Variants in GTF2F2 observed in about 807,000 individuals in gnomAD.
GTF2F2 encodes the protein general transcription factor IIF subunit 2.
In GTF2F2, 23 loss-of-function variants were observed where a neutral mutation model predicts 42.2. The observed-to-expected ratio is 0.55, with a 90% CI of 0.39 to 0.77. GTF2F2 has a LOEUF of 0.77. Among genes scored for constraint, GTF2F2 ranks in the 30% least tolerant of loss-of-function variants. GTF2F2 has a pLI of 0.00. For missense variants in GTF2F2, 261 were observed against 287.2 expected (o/e 0.91, Z 0.66); for synonymous variants, 105 against 100.8 (o/e 1.04, Z -0.25).
At chr13:45,124,275 G>T in intron 1 of GTF2F2, 1 of 256,632 alleles carries the variant, frequency 3.9e-6, no homozygotes, top group Non-Finnish European at 8.0e-6. Flanking sequence ...GTAGAGACGG[G>T]GTTTCACCGT....
intron 4 of GTF2F2, among the ~76,000 whole-genome samples, chr13:45,178,953 G>A (rs1001742480): frequency 6.6e-6 from 1 of 152,148 alleles, no homozygotes; most frequent in Admixed American, 6.5e-5. Flanking sequence ...TGTGGGTTGG[G>A]GTACCTTTGC....
chr13:45,211,129 T>C (rs1256941165), intron 5 of GTF2F2, among the ~76,000 whole-genome samples: 1 of 152,136 alleles, frequency 6.6e-6, no homozygotes, highest in Non-Finnish European at 1.5e-5. Flanking sequence ...TGCTGTCCTG[T>C]GCATTGCAAG....
intron 5 of GTF2F2, among the ~76,000 whole-genome samples, chr13:45,244,724 G>A (rs959640517): frequency 3.9e-5 from 6 of 152,186 alleles, no homozygotes; most frequent in Non-Finnish European, 8.8e-5. Flanking sequence ...AGGCTGGCGT[G>A]CAGTGGCACA....
chr13:45,270,932 A>G lies in GTF2F2; in HGVS notation c.630+3556A>G, dbSNP rs372176911. 3.1e-3 allele frequency among the ~76,000 whole-genome samples: 465 copies of G among 152,308 alleles called. 5 individuals are homozygous for G. Among genetic ancestry groups the G allele is most frequent in the African/African-American group, 0.011 (445 of 41,560 alleles). On this transcript the variant is annotated intron_variant, in intron 7 of 7. Transcript: ENST00000340473. Reference sequence around the variant, plus strand: ...TCTGAACTTCAACACTCTGTTTTCTATCTAACAGCGTTCATTTACCAGTGT... The same window carrying G: ...TCTGAACTTCAACACTCTGTTTTCTGTCTAACAGCGTTCATTTACCAGTGT...
intron 6 of GTF2F2, among the ~76,000 whole-genome samples, chr13:45,258,930 G>A (rs1355996191): frequency 6.6e-6 from 1 of 152,172 alleles, no homozygotes; most frequent in African/African-American, 2.4e-5. Context: ...CCAAGTAAGG[G>A]CGACTCTGTG....
At chr13:45,128,110 G>A (rs1475895297) in intron 1 of GTF2F2, among the ~76,000 whole-genome samples, 2 of 148,036 alleles carry the variant, frequency 1.4e-5, no homozygotes, top group African/African-American at 2.5e-5. Context: ...ACAGGTGCCC[G>A]CCACCATGCC....
chr13:45,122,294 G>A (rs978285020), intron 1 of GTF2F2, among the ~76,000 whole-genome samples: 5 of 152,106 alleles, frequency 3.3e-5, no homozygotes, highest in African/African-American at 1.2e-4. Context: ...TTGGCAGTGT[G>A]CAGTACGAAT....
intron 5 of GTF2F2, among the ~76,000 whole-genome samples, chr13:45,211,368 T>A (rs1225007884): frequency 6.9e-6 from 1 of 144,014 alleles, no homozygotes; most frequent in Non-Finnish European, 1.6e-5. Context: ...GCTCAAAATT[T>A]TTTTTGTTTT....
intron 1 of GTF2F2, among the ~76,000 whole-genome samples, chr13:45,123,615 G>C (rs560983037): frequency 1.4e-5 from 2 of 146,114 alleles, no homozygotes; most frequent in South Asian, 4.3e-4. Flanking sequence ...GGGCTACAGA[G>C]TGAAACCCTA....
At chr13:45,194,295 G>T in intron 4 of GTF2F2, 2 of 1,614,160 alleles carry the variant, frequency 1.2e-6, no homozygotes, top group Non-Finnish European at 1.7e-6. Flanking sequence ...TTCGTAGGAA[G>T]TTTAGGACAT....
chr13:45,133,786 A>G (rs1869481094), intron 1 of GTF2F2, among the ~76,000 whole-genome samples: 1 of 152,168 alleles, frequency 6.6e-6, no homozygotes, highest in South Asian at 2.1e-4. Context: ...GTGCCACTGT[A>G]AGCCTGCTTC....
chr13:45,232,084 A>G (rs1470415373), intron 5 of GTF2F2, among the ~76,000 whole-genome samples: 1 of 152,234 alleles, frequency 6.6e-6, no homozygotes, highest in African/African-American at 2.4e-5. Flanking sequence ...TCACATAGTC[A>G]TAGGATTACA....
At chr13:45,142,315 T>C (rs1869965922) in intron 2 of GTF2F2, among the ~76,000 whole-genome samples, 1 of 152,128 alleles carries the variant, frequency 6.6e-6, no homozygotes, top group Admixed American at 6.6e-5. Context: ...TATAGGCGCC[T>C]GCCACCATGC....
intron 7 of GTF2F2, among the ~76,000 whole-genome samples, chr13:45,268,479 C>A (rs1446391373): frequency 6.6e-6 from 1 of 151,938 alleles, no homozygotes; most frequent in African/African-American, 2.4e-5. Context: ...AATTTGAATT[C>A]CAAAAGATTT....
intron 5 of GTF2F2, among the ~76,000 whole-genome samples, chr13:45,236,332 C>G (rs1369621950): frequency 6.6e-6 from 1 of 152,006 alleles, no homozygotes; most frequent in African/African-American, 2.4e-5. Context: ...GTAGGAGGCC[C>G]TAGAATTTGT....
At chr13:45,162,541 G>T (rs1871088921) in intron 4 of GTF2F2, among the ~76,000 whole-genome samples, 1 of 152,200 alleles carries the variant, frequency 6.6e-6, no homozygotes. Context: ...ACTGCCAACT[G>T]CCTGAGCCAG....
intron 5 of GTF2F2, among the ~76,000 whole-genome samples, chr13:45,237,281 C>A (rs1440425970): frequency 6.6e-6 from 1 of 152,064 alleles, no homozygotes; most frequent in Non-Finnish European, 1.5e-5. Context: ...TTTTTTTAAT[C>A]TTTGAAAACA....
chr13:45,168,134 C>T (rs1871392365), intron 4 of GTF2F2, among the ~76,000 whole-genome samples: 1 of 152,204 alleles, frequency 6.6e-6, no homozygotes, highest in Non-Finnish European at 1.5e-5. Context: ...AACCCCTTTT[C>T]TGCTGCTTCT....
chr13:45,212,463 C>CTTTTCT (rs376424917), intron 5 of GTF2F2, among the ~76,000 whole-genome samples: 658 of 27,484 alleles, frequency 0.024, 33 homozygotes, highest in African/African-American at 0.054. Context: ...TTCTTTCTTT[C>CTTTTCT]TTTCTTTCTT....
Sources: allele counts gnomAD v4.1 joint callset (sites outside exome capture counted in the v4.1 genomes callset), GRCh38; gene constraint gnomAD v4.1.1; transcripts MANE v1.5; gene names NCBI Gene and HGNC (gene_info 2026-07-23, HGNC 2026-07-21).